Variants in GALNT13 observed in about 807,000 individuals in gnomAD.
GALNT13 encodes polypeptide N-acetylgalactosaminyltransferase 13.
A neutral mutation model predicts 64.2 loss-of-function variants in GALNT13; 28 were observed. The ratio of observed to expected loss-of-function variants is 0.44; its 90% CI spans 0.32 to 0.60. GALNT13 has a LOEUF of 0.60. Among genes scored for constraint, GALNT13 ranks in the 20% least tolerant of loss-of-function variants. The pLI is 0.05. For synonymous variants in GALNT13, 214 were observed against 224.6 expected (o/e 0.95, Z 0.42); for missense variants, 577 against 669.8 (o/e 0.86, Z 1.53).
chr2:153,980,066 G>A (rs1021311828), intron 3 of GALNT13, among the ~76,000 whole-genome samples: 9 of 152,160 alleles, frequency 5.9e-5, no homozygotes, highest in Non-Finnish European at 8.8e-5. Flanking sequence ...ATATATGATA[G>A]CATGTAAATG....
At chr2:153,693,958 A>G in the GALNT13 span, among the ~76,000 whole-genome samples, 1 of 152,052 alleles carries the variant, frequency 6.6e-6, no homozygotes, top group Non-Finnish European at 1.5e-5. Flanking sequence ...ACAAAAAAAA[A>G]TTAGCCGGGC....
At chr2:153,733,973 T>C in the GALNT13 span, among the ~76,000 whole-genome samples, 94 of 152,296 alleles carry the variant, frequency 6.2e-4, no homozygotes, top group Admixed American at 1.4e-3. Context: ...ATGTCTACAT[T>C]GTCTTTCTCA....
chr2:153,995,566 C>T (rs1347760314), intron 3 of GALNT13, among the ~76,000 whole-genome samples: 1 of 151,894 alleles, frequency 6.6e-6, no homozygotes, highest in Non-Finnish European at 1.5e-5. Context: ...TTATAGGGTA[C>T]AGTGTGTTGT....
chr2:154,376,473 G>T (rs1698000166), intron 9 of GALNT13, among the ~76,000 whole-genome samples: 1 of 152,032 alleles, frequency 6.6e-6, no homozygotes, highest in Non-Finnish European at 1.5e-5. Context: ...TTTTTTAAAA[G>T]AATGTAAGAA....
chr2:153,717,213 G>A, the GALNT13 span, among the ~76,000 whole-genome samples: 1 of 152,184 alleles, frequency 6.6e-6, no homozygotes, highest in Middle Eastern at 3.4e-3. Flanking sequence ...TCCCCCTTCT[G>A]TTGGCTGTTT....
At chr2:153,312,529 TATC>T in the GALNT13 span, among the ~76,000 whole-genome samples, 3 of 152,168 alleles carry the variant, frequency 2.0e-5, no homozygotes, top group African/African-American at 7.2e-5. Flanking sequence ...AGTTCCACAA[TATC>T]ATCAGGGTTC....
the GALNT13 span, among the ~76,000 whole-genome samples, chr2:153,155,477 C>T: frequency 5.9e-5 from 9 of 152,112 alleles, no homozygotes. Context: ...AGGAATTTAT[C>T]TATTTCTTCC....
the GALNT13 span, among the ~76,000 whole-genome samples, chr2:153,427,702 T>A: frequency 1.3e-5 from 2 of 152,184 alleles, no homozygotes; most frequent in African/African-American, 4.8e-5. Flanking sequence ...TATTAGACTA[T>A]TTTTTAATTT....
the GALNT13 span, among the ~76,000 whole-genome samples, chr2:153,097,332 T>C: frequency 1.3e-5 from 2 of 152,158 alleles, no homozygotes; most frequent in African/African-American, 4.8e-5. Context: ...TTCTATGTTT[T>C]TCTGTGTACT....
the GALNT13 span, among the ~76,000 whole-genome samples, chr2:153,254,169 A>G: frequency 0.83 from 125,623 of 152,014 alleles, 53,110 homozygotes; most frequent in African/African-American, 0.91. Flanking sequence ...CTATTCAGAG[A>G]TTCACCTTCT....
the GALNT13 span, among the ~76,000 whole-genome samples, chr2:153,505,615 G>C: frequency 6.6e-6 from 1 of 152,066 alleles, no homozygotes; most frequent in African/African-American, 2.4e-5. Context: ...TTGACCCAAT[G>C]ATCATTCAGG....
chr2:153,418,855 C>T, the GALNT13 span, among the ~76,000 whole-genome samples: 1 of 151,976 alleles, frequency 6.6e-6, no homozygotes, highest in Non-Finnish European at 1.5e-5. Flanking sequence ...CAGACCTTGT[C>T]TGAAAAGGTA....
intron 9 of GALNT13, among the ~76,000 whole-genome samples, chr2:154,379,125 A>G (rs989071402): frequency 2.0e-5 from 3 of 152,088 alleles, no homozygotes; most frequent in Non-Finnish European, 4.4e-5. Context: ...AGAAAACAAA[A>G]CTACATTAAC....
chr2:154,418,345 T>C (rs1331879619), intron 11 of GALNT13, among the ~76,000 whole-genome samples: 4 of 152,088 alleles, frequency 2.6e-5, no homozygotes, highest in Non-Finnish European at 5.9e-5. Flanking sequence ...TTACCTTATG[T>C]GGCAAAAAAT....
chr2:154,254,303 C>T lies in GALNT13; in HGVS notation c.858-4718C>T, dbSNP rs376274586. Among the ~76,000 whole-genome samples the T allele has an allele frequency of 4.2e-4, 64 of 152,190 alleles. 1 individual carries two copies. Among genetic ancestry groups the T allele is most frequent in the African/African-American group, 1.2e-3 (49 of 41,526 alleles). On this transcript the variant is annotated intron_variant, in intron 7 of 12. Transcript: ENST00000392825. ...AGCCCCATTGTTTATTTTGATCCCT[C>T]GTAATCAAATGGCTAGATTACTGAT...
the GALNT13 span, among the ~76,000 whole-genome samples, chr2:153,542,088 C>T: frequency 2.6e-5 from 4 of 152,098 alleles, no homozygotes; most frequent in South Asian, 2.1e-4. Context: ...GAGGCTGAGG[C>T]GGGTGGAACA....
At chr2:154,042,249 G>A (rs746264219) in intron 3 of GALNT13, among the ~76,000 whole-genome samples, 1 of 139,382 alleles carries the variant, frequency 7.2e-6, no homozygotes, top group Non-Finnish European at 1.6e-5. Context: ...AAACGGAAAC[G>A]ATGACATTAC....
At chr2:154,023,976 G>C (rs1054432020) in intron 3 of GALNT13, among the ~76,000 whole-genome samples, 16 of 151,986 alleles carry the variant, frequency 1.1e-4, no homozygotes, top group African/African-American at 3.9e-4. Flanking sequence ...CTGGATATGA[G>C]ATTCTGGGTT....
the GALNT13 span, among the ~76,000 whole-genome samples, chr2:153,182,045 C>CT: frequency 3.0e-4 from 44 of 146,972 alleles, no homozygotes; most frequent in South Asian, 2.2e-4. Flanking sequence ...CTTTTCTTTT[C>CT]TTTTTTTTTT....
Sources: allele counts gnomAD v4.1 joint callset (sites outside exome capture counted in the v4.1 genomes callset), GRCh38; gene constraint gnomAD v4.1.1; transcripts MANE v1.5; gene names NCBI Gene and HGNC (gene_info 2026-07-23, HGNC 2026-07-21).